Variants in UROS observed in about 807,000 individuals in gnomAD.
UROS encodes the protein uroporphyrinogen III synthase, also known as uroporphyrinogen-III synthase.
Under a neutral mutation model 33.0 loss-of-function variants are expected in UROS, and 18 were observed. That is an observed-to-expected ratio of 0.55 (90% confidence interval 0.38 to 0.81). The LOEUF is 0.81. Among genes scored for constraint, UROS ranks in the 30% least tolerant of loss-of-function variants. UROS has a pLI of 0.00. For synonymous variants in UROS, 114 were observed against 121.1 expected (o/e 0.94, Z 0.38); for missense variants, 293 against 314.9 (o/e 0.93, Z 0.53).
Position 125,808,566 on chromosome 10 carries a change from G to A in UROS, c.320-1079C>T, listed in dbSNP as rs144725294. 1.1e-3 allele frequency among the ~76,000 whole-genome samples: 174 copies of A among 152,304 alleles called. 1 individual carries two copies. Among genetic ancestry groups the A allele is most frequent in the Non-Finnish European group, 2.0e-3 (134 of 68,026 alleles). On this transcript the variant is annotated intron_variant, in intron 5 of 9. Transcript: ENST00000368797. Reference sequence around the variant, plus strand: ...TGAGACATAAGAACTTAGCAGTGACGCTGGTAATCAATATTGACATAAATA... The same window carrying A: ...TGAGACATAAGAACTTAGCAGTGACACTGGTAATCAATATTGACATAAATA...
rs200651924 is a variant in UROS, at chr10:125,815,033, C to T, written c.244+1G>A. The T allele has an allele frequency of 1.2e-6, 2 of 1,614,150 alleles. No individual in the cohort carries two copies. The highest frequency in any genetic ancestry group is 1.7e-6 in the Non-Finnish European group (2 of 1,180,008). On this transcript the variant is annotated splice_donor_variant, in intron 4 of 9. Coordinates refer to ENST00000368797, the MANE Select transcript of UROS (RefSeq NM_000375.3). LOFTEE classifies it high-confidence loss of function. Reference sequence around the variant, plus strand: ...GGAATCCACAGCAGACCCACCCTCACCTTCAGTTTTATTGTTTTGCTCCAA... The same window carrying T: ...GGAATCCACAGCAGACCCACCCTCATCTTCAGTTTTATTGTTTTGCTCCAA...
At chr10:125,799,276 C>T (rs1851616260) in intron 6 of UROS, among the ~76,000 whole-genome samples, 1 of 152,168 alleles carries the variant, frequency 6.6e-6, no homozygotes, top group Admixed American at 6.5e-5. Flanking sequence ...TTGTTAAATT[C>T]GTTAATAGAT....
chr10:125,800,565 C>CT (rs367801933), intron 6 of UROS, among the ~76,000 whole-genome samples: 39,947 of 140,336 alleles, frequency 0.28, 6,062 homozygotes, highest in Non-Finnish European at 0.36. Context: ...TTCTTTCTTT[C>CT]TTTTTTTTTT....
In UROS at chr10:125,822,944, CTG is replaced by C. The variant is rs1455417295; in HGVS notation, c.-27+83_-27+84del. On this transcript the variant is annotated intron_variant, in intron 1 of 9. Coordinates refer to ENST00000368797, the MANE Select transcript of UROS (RefSeq NM_000375.3). ...CGGAAGCCTCGGGGCCCTGGCCCCA[CTG>C]TGTCACACACCGCCCGGGGCCGGGC... 7 of 152,260 alleles carry C rather than the reference CTG, an allele frequency of 4.6e-5. No individual in the cohort carries two copies. In the South Asian group the frequency reaches 1.4e-3, roughly 31 times the overall value. 9.4% of individuals were successfully genotyped at this position (152,260 alleles called of 1,614,324 possible). A position where few individuals can be genotyped will look rare whatever the true frequency, so the allele number is the denominator to read the frequency against.
intron 5 of UROS, among the ~76,000 whole-genome samples, chr10:125,810,149 T>C (rs2133914613): frequency 6.6e-6 from 1 of 152,330 alleles, no homozygotes; most frequent in Non-Finnish European, 1.5e-5. Context: ...TGGCTCCTAA[T>C]GATCCCTGTG....
chr10:125,797,460 T>C (rs935107023), intron 7 of UROS, among the ~76,000 whole-genome samples: 4 of 152,186 alleles, frequency 2.6e-5, no homozygotes, highest in African/African-American at 9.7e-5. Flanking sequence ...TCAAATCTGT[T>C]TTTATCTCAT....
intron 9 of UROS, chr10:125,794,265 G>A (rs1158254701): frequency 1.1e-6 from 1 of 918,650 alleles, no homozygotes; most frequent in Non-Finnish European, 1.3e-6. Context: ...AGATGCACCT[G>A]TGAGAAGGCA....
intron 9 of UROS, 112 bp from the exon 10 acceptor site, chr10:125,789,117 C>A (rs546919327): frequency 1.4e-6 from 2 of 1,459,288 alleles, no homozygotes; most frequent in Non-Finnish European, 1.9e-6. Flanking sequence ...GACGTTACTG[C>A]TCATGTGACG....
chr10:125,798,242 G>A, intron 6 of UROS, 97 bp from the exon 7 acceptor site: 2 of 1,266,910 alleles, frequency 1.6e-6, no homozygotes, highest in East Asian at 2.4e-5. Flanking sequence ...AAGCAGCCCT[G>A]GGCTCCAGGC....
intron 6 of UROS, chr10:125,807,136 T>TG (rs1852402985): frequency 4.4e-6 from 2 of 451,536 alleles, no homozygotes; most frequent in Admixed American, 6.9e-5. Context: ...ATCCCTCAAG[T>TG]GATCTCTCCA....
intron 8 of UROS, chr10:125,795,305 CAT>C (rs1851262844): frequency 1.5e-5 from 6 of 387,300 alleles, no homozygotes; most frequent in Non-Finnish European, 2.9e-5. Flanking sequence ...GCACTGATCA[CAT>C]GAGGCAGTGG....
chr10:125,819,284 A>C (rs1279183707), intron 1 of UROS, among the ~76,000 whole-genome samples: 2 of 152,076 alleles, frequency 1.3e-5, no homozygotes, highest in African/African-American at 4.8e-5. Context: ...ACCCGGCCTA[A>C]AGTTTTTTAA....
chr10:125,802,181 C>T (rs1851887361), intron 6 of UROS: 1 of 985,482 alleles, frequency 1.0e-6, no homozygotes, highest in Non-Finnish European at 1.2e-6. Context: ...AGACAAGACC[C>T]ATCTGCATCC....
chr10:125,796,880 ACT>A (rs1851415264), intron 7 of UROS: 1 of 984,746 alleles, frequency 1.0e-6, no homozygotes, highest in Admixed American at 6.2e-5. Context: ...AAAATGGGAA[ACT>A]CTCTCAGAAG....
At chr10:125,794,807 C>G (rs1336166292) in intron 9 of UROS, 73 bp downstream of exon 9, 1 of 1,425,114 alleles carries the variant, frequency 7.0e-7, no homozygotes, top group Non-Finnish European at 9.7e-7. Context: ...CATTGAAGCC[C>G]TAGGATAATT....
chr10:125,821,047 C>T (rs1691876638), intron 1 of UROS, among the ~76,000 whole-genome samples: 1 of 152,156 alleles, frequency 6.6e-6, no homozygotes, highest in Non-Finnish European at 1.5e-5. Context: ...ATCCTGTTTA[C>T]TGTGAAAGAT....
downstream of UROS, among the ~76,000 whole-genome samples, chr10:125,788,333 T>C (rs150218904): frequency 2.8e-3 from 419 of 152,266 alleles, 1 homozygote; most frequent in African/African-American, 9.4e-3. Context: ...GGAGATCAGA[T>C]GGTTTGACTG....
chr10:125,814,981 A>T, intron 4 of UROS, 53 bp downstream of exon 4: 1 of 1,590,290 alleles, frequency 6.3e-7, no homozygotes, highest in Non-Finnish European at 8.6e-7. Flanking sequence ...TCCCAGCAGG[A>T]GAAATAAGAG....
intron 8 of UROS, among the ~76,000 whole-genome samples, chr10:125,795,699 G>T (rs1318961451): frequency 6.6e-6 from 1 of 152,178 alleles, no homozygotes; most frequent in Non-Finnish European, 1.5e-5. Flanking sequence ...ATAACATCAA[G>T]GCCACTATTT....
Sources: gnomAD v4.1 joint callset for allele counts (sites outside exome capture counted in the v4.1 genomes callset) on GRCh38, gnomAD v4.1.1 for gene constraint, MANE v1.5 for transcripts, NCBI Gene and HGNC (gene_info 2026-07-23, HGNC 2026-07-21) for gene names.